Variants in COL4A6 observed in about 807,000 individuals in gnomAD.
COL4A6 encodes the protein collagen type IV alpha 6 chain.
Under a neutral mutation model 126.7 loss-of-function variants are expected in COL4A6, and 59 were observed. The ratio of observed to expected loss-of-function variants is 0.47; its 90% CI spans 0.38 to 0.58. The LOEUF (loss-of-function observed/expected upper bound fraction) is 0.58. Ranked by LOEUF, COL4A6 falls within the 20% of genes least tolerant of loss-of-function variation. The pLI, the probability that COL4A6 is intolerant of heterozygous loss-of-function variation, is 0.00. For missense variants in COL4A6, 1,285 were observed against 1,337.3 expected (o/e 0.96, Z 0.61); for synonymous variants, 547 against 496.6 (o/e 1.10, Z -1.35).
intron 2 of COL4A6, chrX:108,383,661 C>T (rs1337340875): frequency 1.6e-5 from 8 of 509,534 alleles, no homozygotes; most frequent in Non-Finnish European, 2.1e-5. Context: ...AAACCAGTGC[C>T]GTTGAACAAA....
chrX:108,383,422 G>T, intron 2 of COL4A6: 1 of 493,499 alleles, frequency 2.0e-6, no homozygotes. Flanking sequence ...CAACCCTGAT[G>T]GCTTCCTGGG....
At chrX:108,380,532 T>C (rs1397690592) in intron 2 of COL4A6, among the ~76,000 whole-genome samples, 2 of 112,197 alleles carry the variant, frequency 1.8e-5, no homozygotes, top group African/African-American at 3.2e-5. Flanking sequence ...CAGAACAACC[T>C]GTGGTATTGA....
intron 2 of COL4A6, among the ~76,000 whole-genome samples, chrX:108,433,586 T>C (rs1184867658): frequency 9.1e-6 from 1 of 109,791 alleles, no homozygotes; most frequent in East Asian, 2.9e-4. Flanking sequence ...TGCAGTGGCA[T>C]GATCTCAGCT....
intron 2 of COL4A6, among the ~76,000 whole-genome samples, chrX:108,359,659 T>C (rs1934508228): frequency 8.9e-6 from 1 of 112,318 alleles, no homozygotes; most frequent in Non-Finnish European, 1.9e-5. Flanking sequence ...CAGGACTCAA[T>C]ACAAACAAGT....
chrX:108,195,561 C>T (rs941678987), intron 14 of COL4A6, among the ~76,000 whole-genome samples: 20 of 112,294 alleles, frequency 1.8e-4, no homozygotes, highest in Admixed American at 5.6e-4. Context: ...CATGAGCCAC[C>T]GTGCCTGGCC....
At chrX:108,247,759 C>T (rs1463716754) in intron 3 of COL4A6, among the ~76,000 whole-genome samples, 2 of 111,416 alleles carry the variant, frequency 1.8e-5, no homozygotes, top group African/African-American at 6.5e-5. Context: ...TTTTGTCCAC[C>T]TGCCCCCCAC....
chrX:108,273,681 G>A (rs894692736), intron 3 of COL4A6, among the ~76,000 whole-genome samples: 1 of 112,050 alleles, frequency 8.9e-6, no homozygotes, highest in African/African-American at 3.2e-5. Flanking sequence ...GTCCTTTGTA[G>A]GGACATGGAT....
chrX:108,187,209 C>T lies in COL4A6; in HGVS notation c.1838G>A (p.Gly613Asp). The T allele has an allele frequency of 8.4e-7, 1 of 1,193,945 alleles. No homozygotes were observed. The highest frequency in any genetic ancestry group is 1.1e-6 in the Non-Finnish European group (1 of 884,547). Residue 613 changes from glycine (G) to aspartate (D), a missense_variant, in exon 23 of 45, where the codon GGT becomes GAT. By Grantham distance (94) the Gly-to-Asp change is moderately conservative. Transcript: ENST00000334504. ...CCCATTTCCTGGGAGGCCAGGTGGA[C>T]CAGGATGGCCTTTTTCACCAGGAAG... ...PGLPGEKGHP[G>D]PPGLPGNGLP... is the part of the protein sequence containing the mutation.
chrX:108,253,552 C>T (rs1260482583), intron 3 of COL4A6, among the ~76,000 whole-genome samples: 1 of 111,992 alleles, frequency 8.9e-6, no homozygotes, highest in Non-Finnish European at 1.9e-5. Flanking sequence ...AGGGCAGGGA[C>T]TACGTCTTAT....
intron 2 of COL4A6, among the ~76,000 whole-genome samples, chrX:108,379,981 C>T (rs909361532): frequency 1.8e-5 from 2 of 111,083 alleles, no homozygotes; most frequent in Non-Finnish European, 3.8e-5. Context: ...CTACAAATCT[C>T]TCTGCCGCCA....
intron 2 of COL4A6, among the ~76,000 whole-genome samples, chrX:108,362,687 T>A (rs1475980536): frequency 8.9e-6 from 1 of 112,437 alleles, no homozygotes; most frequent in Non-Finnish European, 1.9e-5. Context: ...TTATATTGAA[T>A]TAAAATTTAT....
intron 2 of COL4A6, among the ~76,000 whole-genome samples, chrX:108,406,556 A>G (rs1007024429): frequency 8.9e-6 from 1 of 112,071 alleles, no homozygotes; most frequent in Admixed American, 9.4e-5. Context: ...TGCCTCTCTA[A>G]CAATGAACTA....
chrX:108,281,747 A>C (rs907514926), intron 3 of COL4A6, among the ~76,000 whole-genome samples: 3 of 110,523 alleles, frequency 2.7e-5, no homozygotes, highest in South Asian at 4.0e-4. Flanking sequence ...TTCAAACTAT[A>C]CTACAAGGCT....
chrX:108,244,293 A>G (rs1047250342), intron 3 of COL4A6, among the ~76,000 whole-genome samples: 1 of 111,291 alleles, frequency 9.0e-6, no homozygotes, highest in Admixed American at 9.6e-5. Flanking sequence ...GAATATATCT[A>G]CCTTGAAAGA....
rs189895794 is a variant in COL4A6, at chrX:108,217,342, G to A, written c.324+2356C>T. Among the ~76,000 whole-genome samples the A allele has an allele frequency of 3.5e-3, 389 of 111,858 alleles. 2 individuals are homozygous for A. Among genetic ancestry groups the A allele is most frequent in the African/African-American group, 0.012 (376 of 30,750 alleles). On this transcript the variant is annotated intron_variant, in intron 5 of 44. Transcript: ENST00000334504. ...GCCAAATTGCTTAATATGTGTTACT[G>A]AAAGTTGAACAAAATAATCAGTCTG...
chrX:108,194,533 C>T lies in COL4A6; in HGVS notation c.1002+1G>A, dbSNP rs777086948. Reference sequence around the variant, plus strand: ...CTGGATTTTTCACTTCCCAACATTACCTCAATTCCTTGGAATCCATTAAGC... The same window carrying T: ...CTGGATTTTTCACTTCCCAACATTATCTCAATTCCTTGGAATCCATTAAGC... On this transcript the variant is annotated splice_donor_variant, in intron 16 of 44. Transcript: ENST00000334504. LOFTEE classifies it high-confidence loss of function. 3 of 1,208,046 alleles carry T rather than the reference C, an allele frequency of 2.5e-6. No homozygotes were observed. The highest frequency in any genetic ancestry group is 3.6e-5 in the South Asian group (2 of 55,852).
At chrX:108,292,954 A>G (rs1311333780) in intron 3 of COL4A6, among the ~76,000 whole-genome samples, 24 of 82,329 alleles carry the variant, frequency 2.9e-4, no homozygotes, top group African/African-American at 9.8e-4. Context: ...GTCTCTTAGG[A>G]AAAAAAAAAA....
chrX:108,244,898 C>T (rs146793250), intron 3 of COL4A6, among the ~76,000 whole-genome samples: 544 of 112,190 alleles, frequency 4.8e-3, no homozygotes, highest in African/African-American at 0.017. Context: ...TCTTTTCAGA[C>T]ACCATTCAGA....
At chrX:108,430,993 G>T (rs2064166639) in intron 2 of COL4A6, among the ~76,000 whole-genome samples, 2 of 111,668 alleles carry the variant, frequency 1.8e-5, no homozygotes, top group Admixed American at 9.5e-5. Context: ...AGATGTCTTG[G>T]CTGGGGATAT....
Sources: gnomAD v4.1 joint callset for allele counts (sites outside exome capture counted in the v4.1 genomes callset) on GRCh38, gnomAD v4.1.1 for gene constraint, MANE v1.5 for transcripts, NCBI Gene and HGNC (gene_info 2026-07-23, HGNC 2026-07-21) for gene names.